GFM1: variants seen among roughly 807,000 people sequenced by gnomAD.
The protein encoded by GFM1 is G elongation factor mitochondrial 1, also known as elongation factor G, mitochondrial.
Under a neutral mutation model 96.2 loss-of-function variants are expected in GFM1, and 62 were observed. That is an observed-to-expected ratio of 0.64 (90% CI 0.53 to 0.80). The LOEUF (loss-of-function observed/expected upper bound fraction) is 0.80, where lower values mean the gene tolerates loss of function less well. GFM1 is among the 30% of genes least tolerant of loss of function. The pLI, the probability that GFM1 is intolerant of heterozygous loss-of-function variation, is 0.00. For missense variants in GFM1, 852 were observed against 916.6 expected (o/e 0.93, Z 0.91); for synonymous variants, 282 against 312.9 (o/e 0.90, Z 1.04).
At chr3:158,668,181 G>A (rs1028706110) in intron 13 of GFM1, among the ~76,000 whole-genome samples, 9 of 152,096 alleles carry the variant, frequency 5.9e-5, no homozygotes, top group African/African-American at 1.2e-4. Context: ...CAAAATGCAC[G>A]GATGCCCAAG....
chr3:158,680,112 C>T (rs1383750841), intron 13 of GFM1, among the ~76,000 whole-genome samples: 2 of 152,008 alleles, frequency 1.3e-5, no homozygotes, highest in East Asian at 3.9e-4. Context: ...ATATATTTTT[C>T]GTTGTTGAAA....
chr3:158,668,001 A>G (rs1310521613), intron 13 of GFM1, among the ~76,000 whole-genome samples: 1 of 152,202 alleles, frequency 6.6e-6, no homozygotes, highest in Non-Finnish European at 1.5e-5. Context: ...CAAAAGCTAA[A>G]TGTTGGATTA....
intron 13 of GFM1, among the ~76,000 whole-genome samples, chr3:158,676,455 T>C (rs1353572306): frequency 6.6e-6 from 1 of 152,178 alleles, no homozygotes; most frequent in South Asian, 2.1e-4. Flanking sequence ...TATTAGTTTG[T>C]TAGAATGGTA....
chr3:158,689,807 C>T (rs1726158778), intron 15 of GFM1, among the ~76,000 whole-genome samples: 1 of 150,728 alleles, frequency 6.6e-6, no homozygotes, highest in Admixed American at 6.6e-5. Flanking sequence ...CAGTTATTAT[C>T]TTTAACCCTG....
chr3:158,672,628 C>CG, intron 13 of GFM1: 1 of 905,036 alleles, frequency 1.1e-6, no homozygotes, highest in African/African-American at 1.7e-5. Flanking sequence ...CAGCTCCTTC[C>CG]GACTCCGGAA....
At chr3:158,653,690 T>A (rs1722490486) in intron 7 of GFM1, among the ~76,000 whole-genome samples, 1 of 152,068 alleles carries the variant, frequency 6.6e-6, no homozygotes, top group South Asian at 2.1e-4. Context: ...TTTGTTTTAC[T>A]CTCTCTCAAG....
chr3:158,658,112 A>G (rs1300757234), intron 8 of GFM1, among the ~76,000 whole-genome samples: 3 of 147,022 alleles, frequency 2.0e-5, no homozygotes, highest in African/African-American at 7.6e-5. Flanking sequence ...TGTTAAATAT[A>G]TGTTAATTGG....
Position 158,672,559 on chromosome 3 carries a change from T to A in GFM1, c.1601+6173T>A, listed in dbSNP as rs139458960. On this transcript the variant is annotated intron_variant, in intron 13 of 17. Transcript: ENST00000486715. ...GCAGAGCGCCGCCCGTCCTGCTTGC[T>A]GCTGGGTCCGGTTGCCGAGGCGGAA... 4.6e-4 allele frequency: 723 copies of A among 1,566,432 alleles called. 2 individuals carry two copies. In the African/African-American group the frequency reaches 8.8e-3, roughly 19 times the overall value.
chr3:158,689,609 T>A (rs1329659172), intron 15 of GFM1, among the ~76,000 whole-genome samples: 1 of 152,064 alleles, frequency 6.6e-6, no homozygotes, highest in Non-Finnish European at 1.5e-5. Context: ...AGCCTGTGTC[T>A]ACTAAAAATA....
chr3:158,688,036 G>A (rs550059679), intron 15 of GFM1, among the ~76,000 whole-genome samples: 1 of 151,954 alleles, frequency 6.6e-6, no homozygotes, highest in African/African-American at 2.4e-5. Context: ...AGATATTATA[G>A]TTATTATAAT....
chr3:158,646,014 C>A, intron 2 of GFM1, 151 bp from the exon 3 acceptor site: 2 of 1,034,888 alleles, frequency 1.9e-6, no homozygotes, highest in Admixed American at 1.9e-5. Flanking sequence ...AACTCTTGGG[C>A]TCAAATTATC....
At chr3:158,665,798 G>A (rs150636522) in intron 12 of GFM1, among the ~76,000 whole-genome samples, 41 of 152,192 alleles carry the variant, frequency 2.7e-4, no homozygotes, top group Non-Finnish European at 4.7e-4. Flanking sequence ...GACAACCTGC[G>A]GTTGTACCAA....
At chr3:158,659,115 C>T in intron 9 of GFM1, 56 bp downstream of exon 9, 1 of 1,585,526 alleles carries the variant, frequency 6.3e-7, no homozygotes, top group Non-Finnish European at 8.7e-7. Context: ...TGAAATAGAC[C>T]CTTCTTGGTA....
At chr3:158,652,428 G>A (rs1722375193) in intron 6 of GFM1, among the ~76,000 whole-genome samples, 182 bp downstream of exon 6, 1 of 152,132 alleles carries the variant, frequency 6.6e-6, no homozygotes, top group African/African-American at 2.4e-5. Flanking sequence ...AGTGAGTTAT[G>A]TAATAACTTC....
At chr3:158,663,492 T>C (rs191271464) in intron 11 of GFM1, among the ~76,000 whole-genome samples, 1 of 131,936 alleles carries the variant, frequency 7.6e-6, no homozygotes, top group Non-Finnish European at 1.6e-5. Flanking sequence ...TACATCTATT[T>C]TGAGGAACCT....
At chr3:158,666,511 T>TA in intron 13 of GFM1, 125 bp downstream of exon 13, 1 of 1,138,422 alleles carries the variant, frequency 8.8e-7, no homozygotes, top group Admixed American at 1.8e-5. Flanking sequence ...ATGGACTCTA[T>TA]AAAGTTCTAT....
intron 13 of GFM1, among the ~76,000 whole-genome samples, chr3:158,668,206 C>G (rs1392393099): frequency 6.6e-6 from 1 of 152,186 alleles, no homozygotes; most frequent in Non-Finnish European, 1.5e-5. Context: ...TGACATAAAA[C>G]AGTGTAGTAT....
rs747846743 is a variant in GFM1 at position 158,649,130 on chromosome 3, G to A, written c.662G>A (p.Arg221Gln). The A allele has an allele frequency of 7.4e-6, 11 of 1,492,348 alleles. No individual in the cohort carries two copies. Among genetic ancestry groups the A allele is most frequent in the Admixed American group, 3.3e-5 (2 of 59,850 alleles). The allele number at this position is 1,492,348 out of a possible 1,614,324, so 92.4% of individuals were successfully genotyped here. A position where few individuals can be genotyped will look rare whatever the true frequency, so the allele number is the denominator to read the frequency against. The change falls in exon 5 of 18, where the codon CGA (arginine) becomes CAA (glutamine). Residue 221 changes from arginine to glutamine, a missense_variant. Physicochemically the swap from Arg to Gln is conservative, Grantham distance 43. Coordinates refer to ENST00000486715, the MANE Select transcript of GFM1 (RefSeq NM_024996.7). ...FKGIVDLIEE[R>Q]AIYFDGDFGQ... is the part of the protein sequence containing the mutation. The stretch of plus-strand genomic sequence containing the variant: ...GGTATTGTAGATCTTATTGAGGAAC[G>A]AGCCATCTATTTTGATGGAGACTTT...
intron 5 of GFM1, chr3:158,649,818 C>T (rs933848370): frequency 3.5e-6 from 2 of 568,980 alleles, no homozygotes; most frequent in Non-Finnish European, 6.3e-6. Flanking sequence ...GGCTCTACCT[C>T]CAGAGATTCT....
Sources: allele counts gnomAD v4.1 joint callset (sites outside exome capture counted in the v4.1 genomes callset), GRCh38; gene constraint gnomAD v4.1.1; transcripts MANE v1.5; gene names NCBI Gene and HGNC (gene_info 2026-07-23, HGNC 2026-07-21).